The following TTF1 variants were observed in gnomAD, a reference collection of about 807,000 sequenced individuals.
TTF1 encodes transcription termination factor 1.
A neutral mutation model predicts 80.2 loss-of-function variants in TTF1; 64 were observed. That is an observed-to-expected ratio of 0.80 (90% confidence interval 0.65 to 0.98). The LOEUF (loss-of-function observed/expected upper bound fraction) is 0.98. TTF1 is among the 50% of genes least tolerant of loss of function. TTF1 has a pLI of 0.00. For missense variants in TTF1, 1,023 were observed against 1,086.2 expected (o/e 0.94, Z 0.82); for synonymous variants, 372 against 382.7 (o/e 0.97, Z 0.33).
rs973254431 is a variant in TTF1 at position 132,395,695 on chromosome 9, T to C, written c.1856+738A>G. ...TTAAGTAATGACCTATGTCTCAGTT[T>C]ACAATCACAGAGCTAAGCAGAACTC... On this transcript the variant is annotated intron_variant, in intron 5 of 10. Transcript: ENST00000334270. 1.9e-4 allele frequency among the ~76,000 whole-genome samples: 29 copies of C among 152,190 alleles called. 1 individual carries two copies. The highest frequency in any genetic ancestry group is 1.4e-3 in the Admixed American group (21 of 15,272).
chr9:132,400,341 G>A (rs1055839546), intron 2 of TTF1, 83 bp from the exon 3 acceptor site: 8 of 1,153,622 alleles, frequency 6.9e-6, no homozygotes, highest in South Asian at 2.7e-5. Context: ...CTTTTTTTTC[G>A]TGAGACAGAG....
At chr9:132,379,972 G>C (rs1206841377) in intron 9 of TTF1, among the ~76,000 whole-genome samples, 3 of 152,208 alleles carry the variant, frequency 2.0e-5, no homozygotes, top group Non-Finnish European at 4.4e-5. Flanking sequence ...TAAGTATGTA[G>C]AGGTAAAAGA....
At chr9:132,398,449 C>G in intron 3 of TTF1, 123 bp from the exon 4 acceptor site, 1 of 962,164 alleles carries the variant, frequency 1.0e-6, no homozygotes, top group Non-Finnish European at 1.5e-6. Context: ...ACCTGACATT[C>G]GCCCTCCTGC....
chr9:132,377,557 A>T (rs1421738479), intron 10 of TTF1, among the ~76,000 whole-genome samples: 1 of 64,954 alleles, frequency 1.5e-5, no homozygotes, highest in African/African-American at 6.2e-5. Context: ...GTGTGTGTGA[A>T]TGCATGTGGT....
intron 5 of TTF1, among the ~76,000 whole-genome samples, chr9:132,393,978 G>C (rs1237047951): frequency 1.3e-5 from 2 of 151,526 alleles, no homozygotes; most frequent in East Asian, 1.9e-4. Flanking sequence ...CTGGAGCACA[G>C]TGGCATGATC....
In TTF1 at chr9:132,393,408, C is replaced by T. The variant is rs139249903; in HGVS notation, c.1857-1202G>A. Among the ~76,000 whole-genome samples, 1,241 of 152,362 alleles carry T rather than the reference C, an allele frequency of 8.1e-3. 20 individuals carry two copies. The highest frequency in any genetic ancestry group is 0.027 in the African/African-American group (1,139 of 41,580). On this transcript the variant is annotated intron_variant, in intron 5 of 10. Transcript: ENST00000334270. ...ACCGGGCCCACCCAGGGCGGAAAAC[C>T]GCTTAAAGGCATTCTTAAGCCACAA...
At position 132,400,259 on chromosome 9, in the gene TTF1, C is replaced by CT. The variant is rs1379773632; in HGVS notation, c.1368-2dup. On this transcript the variant is annotated splice_acceptor_variant, in intron 2 of 10. Transcript: ENST00000334270. LOFTEE classifies it high-confidence loss of function. ...GTGTTCTTCATTTGCAGGTTCTAACCTAAGGGGTTAGAAAATTGGGTTGAC... is the reference window on the plus strand; with the variant it reads ...GTGTTCTTCATTTGCAGGTTCTAACCTTAAGGGGTTAGAAAATTGGGTTGAC... 10 of 1,613,920 alleles carry CT rather than the reference C, an allele frequency of 6.2e-6. No individual in the cohort carries two copies. Among genetic ancestry groups the CT allele is most frequent in the Non-Finnish European group, 8.5e-6 (10 of 1,179,818 alleles).
intron 9 of TTF1, among the ~76,000 whole-genome samples, chr9:132,380,287 C>T (rs59270985): frequency 0.078 from 11,861 of 152,144 alleles, 621 homozygotes; most frequent in East Asian, 0.29. Context: ...CCATGCTGGC[C>T]AGACTGGTCT....
At chr9:132,382,787 C>T (rs949688453) in intron 9 of TTF1, among the ~76,000 whole-genome samples, 4 of 139,960 alleles carry the variant, frequency 2.9e-5, no homozygotes, top group African/African-American at 1.1e-4. Flanking sequence ...AAAAAAAAGT[C>T]AGGTGTGGTG....
chr9:132,382,576 T>A (rs1337639365), intron 9 of TTF1, among the ~76,000 whole-genome samples: 1 of 152,120 alleles, frequency 6.6e-6, no homozygotes, highest in African/African-American at 2.4e-5. Flanking sequence ...ACACCTAGCC[T>A]GTATTCCTCC....
intron 7 of TTF1, among the ~76,000 whole-genome samples, chr9:132,388,712 A>T (rs1458363227): frequency 6.6e-6 from 1 of 152,230 alleles, no homozygotes; most frequent in Non-Finnish European, 1.5e-5. Context: ...TGGAACATCA[A>T]ATAAGACAAA....
At chr9:132,388,359 C>T (rs1473705453) in intron 7 of TTF1, 131 bp from the exon 8 acceptor site, 13 of 536,522 alleles carry the variant, frequency 2.4e-5, no homozygotes, top group African/African-American at 5.9e-5. Flanking sequence ...TTTTTTGAGA[C>T]GGGGTCTCAC....
In TTF1 at chr9:132,386,148, G is replaced by A. The variant is rs547239057; in HGVS notation, c.2378+408C>T. ...ACTGTATGGTAATACTTCCTTACACGATTATTTTTCCACTGGAAAACTGAA... is the reference window on the plus strand; with the variant it reads ...ACTGTATGGTAATACTTCCTTACACAATTATTTTTCCACTGGAAAACTGAA... On this transcript the variant is annotated intron_variant, in intron 9 of 10. Coordinates refer to ENST00000334270, the MANE Select transcript of TTF1 (RefSeq NM_007344.4). Among the ~76,000 whole-genome samples the A allele has an allele frequency of 6.6e-5, 10 of 152,196 alleles. No homozygotes were observed. The East Asian group carries it at 1.7e-3, about 26-fold the overall frequency.
At position 132,402,646 on chromosome 9, in the gene TTF1, A is replaced by G. The variant is rs1368735547; in HGVS notation, c.176T>C (p.Phe59Ser). The change falls in exon 2 of 11, where the codon TTC becomes TCC. Residue 59 changes from phenylalanine to serine, a missense_variant. Phe to Ser is a radical substitution (Grantham distance 155). Coordinates refer to ENST00000334270, the MANE Select transcript of TTF1 (RefSeq NM_007344.4). ...CAAAGGAGAAGAAATGAGATGCTGGAAATCTTTTTTCCTCTTTTTCCTCCT... is the reference window on the plus strand; with the variant it reads ...CAAAGGAGAAGAAATGAGATGCTGGGAATCTTTTTTCCTCTTTTTCCTCCT... The part of the protein sequence containing the change: ...ITRRKKRKKD[F>S]QHLISSPLKK... 1 of 1,613,084 alleles carries G rather than the reference A, an allele frequency of 6.2e-7. No homozygotes were observed. Among genetic ancestry groups the G allele is most frequent in the African/African-American group, 1.3e-5 (1 of 74,770 alleles).
chr9:132,377,982 TGTG>T (rs1399340833), intron 10 of TTF1, among the ~76,000 whole-genome samples: 1 of 113,518 alleles, frequency 8.8e-6, no homozygotes, highest in Non-Finnish European at 1.7e-5. Flanking sequence ...AGTGCATGCA[TGTG>T]GTGTGAGTGC....
Position 132,401,639 on chromosome 9 carries a change from T to G in TTF1, c.1183A>C (p.Thr395Pro). The G allele has an allele frequency of 6.2e-7, 1 of 1,614,238 alleles. No individual in the cohort carries two copies. The highest frequency in any genetic ancestry group is 8.5e-7 in the Non-Finnish European group (1 of 1,180,044). The change falls in exon 2 of 11, where the codon ACG becomes CCG. Residue 395 changes from threonine to proline, a missense_variant. By Grantham distance (38) the Thr-to-Pro change is conservative (BLOSUM62 -1). Transcript: ENST00000334270. ...TKKKSKKRKLTSVKRARVSGD... is the reference protein window; with the variant it reads ...TKKKSKKRKLPSVKRARVSGD... Reference sequence around the variant, plus strand: ...GACACTCGTGCCCTTTTGACAGACGTAAGCTTCCTTTTCTTAGACTTCTTC... The same window carrying G: ...GACACTCGTGCCCTTTTGACAGACGGAAGCTTCCTTTTCTTAGACTTCTTC...
rs1209611510 is a variant in TTF1, at chr9:132,392,156, C to T, written c.1907G>A (p.Gly636Glu). 1 of 1,614,006 alleles carries T rather than the reference C, an allele frequency of 6.2e-7. No individual in the cohort carries two copies. The highest frequency in any genetic ancestry group is 1.3e-5 in the African/African-American group (1 of 74,906). The part of the protein sequence containing the change: ...EKLKMYHSLL[G>E]NDWKTIGEMV... The stretch of plus-strand genomic sequence containing the variant: ...CTCACCAATCGTCTTCCAGTCATTC[C>T]CAAGGAGAGAATGGTACATCTTTAA... Residue 636 changes from glycine (G) to glutamate (E), a missense_variant, in exon 6 of 11, where the codon GGG (glycine) becomes GAG (glutamate). Gly to Glu is a moderately conservative substitution (Grantham distance 98, BLOSUM62 -2). Transcript: ENST00000334270.
At position 132,401,418 on chromosome 9, in the gene TTF1, A is replaced by T. The variant is rs201817599; in HGVS notation, c.1367+37T>A. The T allele has an allele frequency of 3.1e-5, 48 of 1,563,006 alleles. No homozygotes were observed. The East Asian group carries it at 1.0e-3, about 34-fold the overall frequency. ...GGTATCGGCAGAATCCATACGAAAG[A>T]AATATACCAGCAGCTGGAATACCAC... On this transcript the variant is annotated intron_variant, in intron 2 of 10. Coordinates refer to ENST00000334270, the MANE Select transcript of TTF1 (RefSeq NM_007344.4).
Position 132,402,163 on chromosome 9 carries a change from T to A in TTF1, c.659A>T (p.Lys220Met), listed in dbSNP as rs1412879858. 6.2e-7 allele frequency: 1 copy of A among 1,613,970 alleles called. No individual in the cohort carries two copies. The highest frequency in any genetic ancestry group is 8.5e-7 in the Non-Finnish European group (1 of 1,180,032). ...GTTACTGGACTTTTTCTTTTTTTTCTTAGACTTGTTTTTATGAGCAGATGC... is the reference window on the plus strand; with the variant it reads ...GTTACTGGACTTTTTCTTTTTTTTCATAGACTTGTTTTTATGAGCAGATGC... ...LPASAHKNKS[K>M]KKKKKSSNRE... The change falls in exon 2 of 11, where the codon AAG becomes ATG. Residue 220 changes from lysine to methionine, a missense_variant. Lys to Met is a moderately conservative substitution (Grantham distance 95). Coordinates refer to ENST00000334270, the MANE Select transcript of TTF1 (RefSeq NM_007344.4).
Sources: gnomAD v4.1 joint callset for allele counts (sites outside exome capture counted in the v4.1 genomes callset) on GRCh38, gnomAD v4.1.1 for gene constraint, MANE v1.5 for transcripts, NCBI Gene and HGNC (gene_info 2026-07-23, HGNC 2026-07-21) for gene names.